DLC1: variants seen among roughly 807,000 people sequenced by gnomAD.
DLC1 encodes the protein rho GTPase-activating protein 7.
In DLC1, 54 loss-of-function variants were observed where a neutral mutation model predicts 140.3. The observed-to-expected ratio is 0.38, with a 90% CI of 0.31 to 0.48. DLC1 has a LOEUF of 0.48. Among genes scored for constraint, DLC1 ranks in the 20% least tolerant of loss-of-function variants. The pLI is 0.96. For synonymous variants in DLC1, 986 were observed against 728.1 expected (o/e 1.35, Z -5.70); for missense variants, 2,536 against 1,907.0 (o/e 1.33, Z -6.14).
At chr8:13,313,791 G>GT (rs1351340944) in intron 4 of DLC1, among the ~76,000 whole-genome samples, 9 of 151,684 alleles carry the variant, frequency 5.9e-5, no homozygotes, top group African/African-American at 9.7e-5. Flanking sequence ...AAACATTTTT[G>GT]TTTTTTTTCT....
intron 5 of DLC1, among the ~76,000 whole-genome samples, chr8:13,123,756 T>G (rs1249042235): frequency 6.6e-6 from 1 of 152,224 alleles, no homozygotes; most frequent in Non-Finnish European, 1.5e-5. Flanking sequence ...AGCTTCTTTG[T>G]CCATTTTATT....
intron 4 of DLC1, among the ~76,000 whole-genome samples, chr8:13,382,529 A>AAGTAAG: frequency 9.1e-6 from 1 of 109,456 alleles, no homozygotes; most frequent in East Asian, 3.0e-4. Flanking sequence ...AAAAAAAAAA[A>AAGTAAG]AAAGAAAGAG....
intron 2 of DLC1, among the ~76,000 whole-genome samples, chr8:13,457,213 G>A (rs536383704): frequency 6.6e-6 from 1 of 152,216 alleles, no homozygotes; most frequent in South Asian, 2.1e-4. Context: ...CTACTGAATG[G>A]AAGAATGAAG....
chr8:13,546,416 G>T (rs1406625605), intron 1 of DLC1, among the ~76,000 whole-genome samples: 1 of 152,016 alleles, frequency 6.6e-6, no homozygotes, highest in African/African-American at 2.4e-5. Flanking sequence ...GCCATAACAG[G>T]ATTGGATTGC....
intron 1 of DLC1, among the ~76,000 whole-genome samples, chr8:13,550,428 C>G (rs1186344086): frequency 6.6e-6 from 1 of 152,038 alleles, no homozygotes; most frequent in Non-Finnish European, 1.5e-5. Flanking sequence ...TTAATAGTAT[C>G]TTTGTAGCAA....
intron 1 of DLC1, among the ~76,000 whole-genome samples, chr8:13,542,412 G>A (rs1803515831): frequency 6.6e-6 from 1 of 152,052 alleles, no homozygotes; most frequent in Non-Finnish European, 1.5e-5. Flanking sequence ...CTATAGATCT[G>A]TCTTTTCAAA....
intron 4 of DLC1, among the ~76,000 whole-genome samples, chr8:13,323,496 G>T (rs1444515485): frequency 6.6e-6 from 1 of 152,032 alleles, no homozygotes; most frequent in Non-Finnish European, 1.5e-5. Flanking sequence ...TTATTTTCTT[G>T]CATCATTCTT....
chr8:13,590,292 C>A (rs1417914843), intron 1 of DLC1, among the ~76,000 whole-genome samples: 3 of 151,918 alleles, frequency 2.0e-5, no homozygotes, highest in Non-Finnish European at 4.4e-5. Context: ...AGCCATAAAA[C>A]CCACATCCCC....
chr8:13,398,333 A>G (rs2117238559), intron 3 of DLC1, among the ~76,000 whole-genome samples: 1 of 152,192 alleles, frequency 6.6e-6, no homozygotes, highest in Admixed American at 6.5e-5. Flanking sequence ...AGCAGAGTCA[A>G]ACTAAGGAAG....
intron 4 of DLC1, among the ~76,000 whole-genome samples, chr8:13,379,816 C>A (rs938984707): frequency 7.2e-5 from 11 of 152,050 alleles, no homozygotes; most frequent in Non-Finnish European, 1.5e-4. Flanking sequence ...TATGCAGCCT[C>A]AAAAAAGATT....
chr8:13,459,533 A>G (rs1585145353), intron 2 of DLC1, among the ~76,000 whole-genome samples: 2 of 152,178 alleles, frequency 1.3e-5, no homozygotes, highest in Non-Finnish European at 2.9e-5. Flanking sequence ...AGAAATAAGT[A>G]TTGTCTCTCT....
At chr8:13,146,026 C>A (rs1037100864) in intron 5 of DLC1, among the ~76,000 whole-genome samples, 1 of 152,018 alleles carries the variant, frequency 6.6e-6, no homozygotes, top group African/African-American at 2.4e-5. Flanking sequence ...TACCTGTAAT[C>A]CCAGCACTTT....
chr8:13,362,847 G>GT (rs1005650127), intron 4 of DLC1, among the ~76,000 whole-genome samples: 9 of 151,898 alleles, frequency 5.9e-5, no homozygotes, highest in African/African-American at 1.2e-4. Flanking sequence ...GTTTTGTTTT[G>GT]TTTTTTTCCA....
intron 2 of DLC1, among the ~76,000 whole-genome samples, chr8:13,489,639 C>T (rs1373413255): frequency 2.6e-5 from 4 of 151,412 alleles, no homozygotes; most frequent in East Asian, 1.9e-4. Flanking sequence ...TAGAAAGATA[C>T]GTGTGAGGGA....
intron 5 of DLC1, among the ~76,000 whole-genome samples, chr8:13,129,781 G>A (rs902415794): frequency 5.9e-5 from 9 of 152,162 alleles, no homozygotes; most frequent in Admixed American, 2.6e-4. Flanking sequence ...CTGAGAATTC[G>A]GTCTTTAATG....
intron 2 of DLC1, among the ~76,000 whole-genome samples, chr8:13,463,136 A>AT (rs1248258423): frequency 6.6e-6 from 1 of 151,902 alleles, no homozygotes; most frequent in Non-Finnish European, 1.5e-5. Context: ...TATTTATTTT[A>AT]TTTTTTTATC....
chr8:13,161,785 A>G lies in DLC1; in HGVS notation c.1349-46128T>C, dbSNP rs527252970. On this transcript the variant is annotated intron_variant, in intron 5 of 17. Transcript: ENST00000276297. ...GAGATGCTACAGAACATAGAGAACA[A>G]TACACTGATTCTTAACCTGTGCAAT... 2.0e-5 allele frequency among the ~76,000 whole-genome samples: 3 copies of G among 152,314 alleles called. No homozygotes were observed. In the South Asian group the frequency reaches 6.2e-4, roughly 32 times the overall value.
rs551691542 is a variant in DLC1, at chr8:13,548,922, G to T, written c.-125-48726C>A. Among the ~76,000 whole-genome samples the T allele has an allele frequency of 2.0e-5, 3 of 152,174 alleles. No homozygotes were observed. In the South Asian group the frequency reaches 6.2e-4, roughly 32 times the overall value. ...AAATGTTGGCATGAATTCAGTGGAA[G>T]ATCAATTATAATCACTGAATTTCAG... On this transcript the variant is annotated intron_variant, in intron 1 of 1. Coordinates refer to the DLC1 transcript ENST00000631382.
At chr8:13,323,985 A>C (rs1833230748) in intron 4 of DLC1, among the ~76,000 whole-genome samples, 1 of 152,194 alleles carries the variant, frequency 6.6e-6, no homozygotes, top group Non-Finnish European at 1.5e-5. Context: ...CCATGTCCTT[A>C]ATGCCCTGGC....
Sources: gnomAD v4.1 joint callset for allele counts (sites outside exome capture counted in the v4.1 genomes callset) on GRCh38, gnomAD v4.1.1 for gene constraint, MANE v1.5 for transcripts, NCBI Gene and HGNC (gene_info 2026-07-23, HGNC 2026-07-21) for gene names.